Variants in SLC38A4 observed in about 807,000 individuals in gnomAD.
SLC38A4 encodes sodium-coupled neutral amino acid transporter 4.
SLC38A4 carries 20 observed loss-of-function variants against 63.1 expected under a neutral mutation model. The observed-to-expected ratio is 0.32, with a 90% CI of 0.22 to 0.46. The LOEUF is 0.46. Ranked by LOEUF, SLC38A4 falls within the 20% of genes least tolerant of loss-of-function variation. The pLI is 1.00. For synonymous variants in SLC38A4, 230 were observed against 225.5 expected (o/e 1.02, Z -0.18); for missense variants, 526 against 663.6 (o/e 0.79, Z 2.28).
At position 46,766,310 on chromosome 12, in the gene SLC38A4, T is replaced by A; in HGVS notation, c.*391A>T. 2 of 445,392 alleles carry A rather than the reference T, an allele frequency of 4.5e-6. No homozygotes were observed. The highest frequency in any genetic ancestry group is 9.1e-6 in the Non-Finnish European group (2 of 220,194). 27.6% of individuals were successfully genotyped at this position (445,392 alleles called of 1,614,324 possible). ...TTGCCACCAGGGCATTTTTGTTTGATGTTCTGAGAATGCAAATGTTTGGTA... is the reference window on the plus strand; with the variant it reads ...TTGCCACCAGGGCATTTTTGTTTGAAGTTCTGAGAATGCAAATGTTTGGTA... On this transcript the variant is annotated 3_prime_UTR_variant, in exon 17 of 17. Coordinates refer to ENST00000266579, the MANE Select transcript of SLC38A4 (RefSeq NM_018018.5).
At chr12:46,796,424 T>C (rs1285753484) in intron 2 of SLC38A4, among the ~76,000 whole-genome samples, 1 of 152,206 alleles carries the variant, frequency 6.6e-6, no homozygotes, top group Non-Finnish European at 1.5e-5. Flanking sequence ...TCATTTTCCT[T>C]AGTTTCAAGT....
At chr12:46,788,427 CA>C in intron 4 of SLC38A4, 100 bp downstream of exon 4, 1 of 937,794 alleles carries the variant, frequency 1.1e-6, no homozygotes, top group Non-Finnish European at 1.7e-6. Flanking sequence ...ATGTGCTGAT[CA>C]AGGCTTGGAA....
At chr12:46,824,030 T>C (rs1939600540) in intron 1 of SLC38A4, among the ~76,000 whole-genome samples, 2 of 152,356 alleles carry the variant, frequency 1.3e-5, no homozygotes, top group South Asian at 4.1e-4. Context: ...CTGCCCTTGA[T>C]AGTTGCCCTT....
At chr12:46,768,666 A>C (rs2120734399) in intron 15 of SLC38A4, among the ~76,000 whole-genome samples, 1 of 152,210 alleles carries the variant, frequency 6.6e-6, no homozygotes, top group Non-Finnish European at 1.5e-5. Context: ...TGAATTTAAC[A>C]CAAATTTACA....
chr12:46,785,787 A>G (rs147794530), intron 5 of SLC38A4, among the ~76,000 whole-genome samples: 910 of 89,982 alleles, frequency 0.01, 11 homozygotes, highest in Middle Eastern at 0.083. Flanking sequence ...TTCTGGTGTT[A>G]GGACCCCCAC....
At position 46,788,002 on chromosome 12, in the gene SLC38A4, A is replaced by G. The variant is rs755397836; in HGVS notation, c.240T>C (p.Ser80=). The change falls in exon 5 of 17, where the codon TCT becomes TCC. Residue 80 remains serine (S), a synonymous_variant. Transcript: ENST00000266579. ...TGATGGCATTACTCAGGTTAAATGA[A>G]GACATTCCAAAGGAAGTGGTTCCGG... The part of the protein sequence containing the change: ...HHPGTTSFGM[S]SFNLSNAIMG... 1.2e-5 allele frequency: 19 copies of G among 1,613,740 alleles called. No individual in the cohort carries two copies.
At chr12:46,816,648 A>T (rs1309699831) in intron 1 of SLC38A4, among the ~76,000 whole-genome samples, 2 of 151,824 alleles carry the variant, frequency 1.3e-5, no homozygotes. Flanking sequence ...ACCACACTTG[A>T]CTGTTTCCCC....
intron 10 of SLC38A4, among the ~76,000 whole-genome samples, 171 bp from the exon 11 acceptor site, chr12:46,778,947 G>A (rs1487637053): frequency 6.6e-6 from 1 of 151,956 alleles, no homozygotes; most frequent in Non-Finnish European, 1.5e-5. Context: ...TAAGGGAAGA[G>A]TTGGAGCTGT....
intron 1 of SLC38A4, among the ~76,000 whole-genome samples, chr12:46,810,676 T>A (rs1264043282): frequency 6.6e-6 from 1 of 151,998 alleles, no homozygotes; most frequent in Non-Finnish European, 1.5e-5. Context: ...GTGTCTATTT[T>A]ATTTAATTTA....
At chr12:46,798,525 G>A (rs996610197) in intron 2 of SLC38A4, among the ~76,000 whole-genome samples, 1 of 152,130 alleles carries the variant, frequency 6.6e-6, no homozygotes, top group African/African-American at 2.4e-5. Context: ...GGGGGATCAG[G>A]GAAGGCTTCT....
intron 1 of SLC38A4, among the ~76,000 whole-genome samples, chr12:46,816,269 C>T (rs997697521): frequency 2.6e-4 from 40 of 151,872 alleles, no homozygotes; most frequent in African/African-American, 9.2e-4. Context: ...ATTATTATTA[C>T]TTTACAAAAG....
intron 1 of SLC38A4, among the ~76,000 whole-genome samples, chr12:46,819,371 A>G (rs1354789868): frequency 6.6e-6 from 1 of 151,654 alleles, no homozygotes; most frequent in Non-Finnish European, 1.5e-5. Context: ...TATTAAGAAA[A>G]TGTTGGTTTG....
intron 1 of SLC38A4, among the ~76,000 whole-genome samples, chr12:46,825,533 C>T (rs954306583): frequency 1.3e-5 from 2 of 152,166 alleles, no homozygotes; most frequent in Admixed American, 6.5e-5. Context: ...GTGTTCTCAA[C>T]CTTTGGATTG....
At chr12:46,820,337 C>T (rs1311898687) in intron 1 of SLC38A4, among the ~76,000 whole-genome samples, 1 of 151,988 alleles carries the variant, frequency 6.6e-6, no homozygotes, top group Non-Finnish European at 1.5e-5. Flanking sequence ...CTCCATTCCC[C>T]ACTTCTTCCA....
In SLC38A4 at chr12:46,769,550, G is replaced by C. The variant is rs931383294; in HGVS notation, c.1300-122C>G. On this transcript the variant is annotated intron_variant, in intron 14 of 16. Transcript: ENST00000266579. ...TTTCTTTTTTCCCAGAAAAGATGTT[G>C]ATGCTTTTTTCAATTTTTTTATTAT... 41 of 1,105,094 alleles carry C rather than the reference G, an allele frequency of 3.7e-5. No individual in the cohort carries two copies. In the South Asian group the frequency reaches 6.5e-4, roughly 17 times the overall value. The allele number at this position is 1,105,094 out of a possible 1,614,324, so 68.5% of individuals were successfully genotyped here.
chr12:46,789,982 G>C (rs1938851140), intron 3 of SLC38A4, among the ~76,000 whole-genome samples: 1 of 152,176 alleles, frequency 6.6e-6, no homozygotes, highest in African/African-American at 2.4e-5. Flanking sequence ...GGAGGCTGAA[G>C]CAGGAGAATC....
At chr12:46,809,230 T>G (rs1218510448) in intron 1 of SLC38A4, among the ~76,000 whole-genome samples, 1 of 152,014 alleles carries the variant, frequency 6.6e-6, no homozygotes, top group Non-Finnish European at 1.5e-5. Context: ...AACATATGCT[T>G]CAAAGAATCA....
chr12:46,784,628 A>T lies in SLC38A4; in HGVS notation c.407T>A (p.Leu136Ter). 1.9e-6 allele frequency: 3 copies of T among 1,611,806 alleles called. No individual in the cohort carries two copies. The highest frequency in any genetic ancestry group is 2.5e-6 in the Non-Finnish European group (3 of 1,178,610). ...LLKTAKEGGS[L>*]IYEKLGEKAF... ...CTTTTCTCCTAATTTTTCATAAATC[A>T]AAGACCCTACAATCAAAGATAAAAT... The change falls in exon 7 of 17, where the codon TTG (leucine) becomes TAG (stop). Residue 136 changes from leucine (L) to a stop codon, truncating the protein, a stop_gained. Coordinates refer to ENST00000266579, the MANE Select transcript of SLC38A4 (RefSeq NM_018018.5). LOFTEE classifies it high-confidence loss of function.
chr12:46,813,733 T>G (rs1472571288), intron 1 of SLC38A4, among the ~76,000 whole-genome samples: 1 of 152,022 alleles, frequency 6.6e-6, no homozygotes, highest in Admixed American at 6.6e-5. Context: ...CTTCTGTCTT[T>G]TATCCTGTCT....
Sources: allele counts gnomAD v4.1 joint callset (sites outside exome capture counted in the v4.1 genomes callset), GRCh38; gene constraint gnomAD v4.1.1; transcripts MANE v1.5; gene names NCBI Gene and HGNC (gene_info 2026-07-23, HGNC 2026-07-21).